Variants in CFAP418 observed in about 807,000 individuals in gnomAD.
The protein encoded by CFAP418 is cilia- and flagella-associated protein 418.
In CFAP418, 27 loss-of-function variants were observed where a neutral mutation model predicts 24.7. The ratio of observed to expected loss-of-function variants is 1.09; its 90% CI spans 0.81 to 1.51. The LOEUF is 1.51. Ranked by LOEUF, CFAP418 falls within the 40% of genes most tolerant of loss-of-function variation. The pLI is 0.00. For synonymous variants in CFAP418, 74 were observed against 87.3 expected, an observed-to-expected ratio of 0.85 and a Z score of 0.85; for missense variants, 257 against 255.2, an observed-to-expected ratio of 1.01 and a Z score of -0.05.
At chr8:95,251,172 A>C (rs1811700962) in intron 5 of CFAP418, among the ~76,000 whole-genome samples, 1 of 152,242 alleles carries the variant, frequency 6.6e-6, no homozygotes, top group Non-Finnish European at 1.5e-5. Flanking sequence ...GTAGTCATAC[A>C]CCAACCTAAG....
chr8:95,255,206 C>T lies in CFAP418; in HGVS notation c.375-2923G>A, dbSNP rs191202273. 5.9e-5 allele frequency among the ~76,000 whole-genome samples: 9 copies of T among 152,282 alleles called. No homozygotes were observed. In the East Asian group the frequency reaches 1.7e-3, roughly 29 times the overall value. ...ACACAGGACAAACTTTTTCCAAAAT[C>T]CTCAAAAGGATTACAGGACCCTAAG... On this transcript the variant is annotated intron_variant, in intron 4 of 5. Coordinates refer to ENST00000286688, the MANE Select transcript of CFAP418 (RefSeq NM_177965.4).
At chr8:95,267,557 C>G (rs932393062) in intron 1 of CFAP418, among the ~76,000 whole-genome samples, 3 of 152,150 alleles carry the variant, frequency 2.0e-5, no homozygotes, top group African/African-American at 4.8e-5. Context: ...CCACTGCACT[C>G]CAGCCTGGGC....
At chr8:95,263,607 C>CT in intron 2 of CFAP418, 80 bp downstream of exon 2, 3 of 819,780 alleles carry the variant, frequency 3.7e-6, no homozygotes, top group Non-Finnish European at 4.0e-6. Flanking sequence ...TGGGTAGCTA[C>CT]TTGTGTCATC....
chr8:95,269,075 T>C lies in CFAP418; in HGVS notation c.115A>G (p.Ser39Gly). Residue 39 changes from serine (S) to glycine (G), a missense_variant, in exon 1 of 6, where the codon AGT becomes GGT. Physicochemically the swap from Ser to Gly is moderately conservative, Grantham distance 56. Coordinates refer to ENST00000286688, the MANE Select transcript of CFAP418 (RefSeq NM_177965.4). ...QPKGCGGGTH[S>G]SDRNQAKAKE... Reference sequence around the variant, plus strand: ...GCCTTGGCTTGGTTCCGGTCGCTACTGTGGGTGCCGCCGCCGCAGCCTTTG... The same window carrying C: ...GCCTTGGCTTGGTTCCGGTCGCTACCGTGGGTGCCGCCGCCGCAGCCTTTG... 1 of 1,614,172 alleles carries C rather than the reference T, an allele frequency of 6.2e-7. No individual in the cohort carries two copies. Among genetic ancestry groups the C allele is most frequent in the Non-Finnish European group, 8.5e-7 (1 of 1,180,014 alleles).
chr8:95,253,840 C>T (rs1373627100), intron 4 of CFAP418, among the ~76,000 whole-genome samples: 1 of 152,170 alleles, frequency 6.6e-6, no homozygotes. Flanking sequence ...TAGTTTATTA[C>T]ATGATTGCAC....
At chr8:95,258,307 G>A (rs1811826582) in intron 4 of CFAP418, among the ~76,000 whole-genome samples, 1 of 150,594 alleles carries the variant, frequency 6.6e-6, no homozygotes, top group South Asian at 2.1e-4. Context: ...GCGTGAACCT[G>A]GGAGGCGGAG....
chr8:95,262,935 A>C (rs1347012079), intron 2 of CFAP418, among the ~76,000 whole-genome samples: 1 of 152,336 alleles, frequency 6.6e-6, no homozygotes, highest in East Asian at 1.9e-4. Context: ...TCATCAGGGA[A>C]GTGGATAAAC....
chr8:95,261,728 C>T lies in CFAP418; in HGVS notation c.244-1196G>A, dbSNP rs1285170898. ...AAAGATCATGATTAAAAATTTACTT[C>T]TTCATGATTATAAGAGCTACTTTTA... On this transcript the variant is annotated intron_variant, in intron 2 of 5. Transcript: ENST00000286688. Among the ~76,000 whole-genome samples, 6 of 152,234 alleles carry T rather than the reference C, an allele frequency of 3.9e-5. No individual in the cohort carries two copies. The East Asian group carries it at 1.2e-3, about 29-fold the overall frequency.
chr8:95,251,368 A>G (rs1178473405), intron 5 of CFAP418, among the ~76,000 whole-genome samples: 1 of 152,194 alleles, frequency 6.6e-6, no homozygotes, highest in Non-Finnish European at 1.5e-5. Context: ...AGAGGTAAAG[A>G]GGTTGTACAA....
At chr8:95,258,637 G>A (rs1277604997) in intron 4 of CFAP418, among the ~76,000 whole-genome samples, 1 of 152,122 alleles carries the variant, frequency 6.6e-6, no homozygotes, top group Non-Finnish European at 1.5e-5. Flanking sequence ...CTATACTAGT[G>A]TAATATCCTA....
intron 4 of CFAP418, among the ~76,000 whole-genome samples, chr8:95,257,090 A>G (rs1350490289): frequency 1.3e-5 from 2 of 152,200 alleles, no homozygotes; most frequent in African/African-American, 4.8e-5. Context: ...TATGTGGGTG[A>G]TATTAGAAAA....
intron 2 of CFAP418, among the ~76,000 whole-genome samples, chr8:95,262,163 GC>G (rs1811904482): frequency 6.6e-6 from 1 of 152,172 alleles, no homozygotes; most frequent in South Asian, 2.1e-4. Context: ...GTTCTGTAAG[GC>G]TGACTGTGGA....
intron 1 of CFAP418, among the ~76,000 whole-genome samples, chr8:95,267,368 G>A (rs1374085745): frequency 3.9e-5 from 6 of 152,148 alleles, no homozygotes; most frequent in Non-Finnish European, 7.3e-5. Flanking sequence ...TTGGGAGGCC[G>A]AGGTGGGTGG....
intron 4 of CFAP418, among the ~76,000 whole-genome samples, chr8:95,257,105 T>A (rs192903463): frequency 7.0e-4 from 106 of 152,268 alleles, no homozygotes; most frequent in African/African-American, 2.4e-3. Flanking sequence ...AGAAAAGATG[T>A]AAGTGGATGA....
intron 1 of CFAP418, chr8:95,268,774 G>T (rs1293763683): frequency 8.3e-5 from 20 of 241,272 alleles, no homozygotes; most frequent in Non-Finnish European, 1.6e-4. Context: ...GCGGGGCGGG[G>T]CGGGGCGGGG....
At chr8:95,264,828 C>T (rs1244941251) in intron 1 of CFAP418, among the ~76,000 whole-genome samples, 1 of 152,148 alleles carries the variant, frequency 6.6e-6, no homozygotes, top group African/African-American at 2.4e-5. Flanking sequence ...GATTCTGTCT[C>T]CAGGCTTAGC....
At chr8:95,256,706 A>G (rs1811796269) in intron 4 of CFAP418, among the ~76,000 whole-genome samples, 1 of 152,226 alleles carries the variant, frequency 6.6e-6, no homozygotes, top group Non-Finnish European at 1.5e-5. Flanking sequence ...CATTCAATGG[A>G]TTTAAAAAAT....
intron 4 of CFAP418, 44 bp downstream of exon 4, chr8:95,259,796 G>T (rs775499544): frequency 6.8e-7 from 1 of 1,469,058 alleles, no homozygotes; most frequent in South Asian, 1.2e-5. Context: ...CATCCATTTG[G>T]AAAAAACCTA....
intron 4 of CFAP418, among the ~76,000 whole-genome samples, chr8:95,259,127 T>C (rs1458504182): frequency 6.6e-6 from 1 of 152,206 alleles, no homozygotes; most frequent in African/African-American, 2.4e-5. Context: ...AATAAGTGTT[T>C]TAGAAATAAT....
Sources: allele counts gnomAD v4.1 joint callset (sites outside exome capture counted in the v4.1 genomes callset), GRCh38; gene constraint gnomAD v4.1.1; transcripts MANE v1.5; gene names NCBI Gene and HGNC (gene_info 2026-07-23, HGNC 2026-07-21).